ARHGAP32: variants seen among roughly 807,000 people sequenced by gnomAD.
ARHGAP32 encodes rho GTPase-activating protein 32.
In ARHGAP32, 51 loss-of-function variants were observed where a neutral mutation model predicts 186.5. That is an observed-to-expected ratio of 0.27 (90% CI 0.22 to 0.35). ARHGAP32 has a LOEUF of 0.35. Among genes scored for constraint, ARHGAP32 ranks in the 10% least tolerant of loss-of-function variants. The pLI, the probability that ARHGAP32 is intolerant of heterozygous loss-of-function variation, is 1.00. For missense variants in ARHGAP32, 2,186 were observed against 2,623.5 expected (o/e 0.83, Z 3.64); for synonymous variants, 950 against 964.3 (o/e 0.99, Z 0.27).
chr11:129,071,908 C>A (rs1370932377), intron 6 of ARHGAP32, among the ~76,000 whole-genome samples: 1 of 152,160 alleles, frequency 6.6e-6, no homozygotes, highest in Non-Finnish European at 1.5e-5. Flanking sequence ...TCATTTGCAA[C>A]AACACTGATA....
At chr11:129,260,556 C>CATT (rs770664901) in intron 1 of ARHGAP32, among the ~76,000 whole-genome samples, 12 of 152,198 alleles carry the variant, frequency 7.9e-5, no homozygotes, top group Non-Finnish European at 1.8e-4. Flanking sequence ...ATAAGCTCCT[C>CATT]ATTCTGTAAC....
intron 1 of ARHGAP32, among the ~76,000 whole-genome samples, chr11:129,226,265 C>G (rs926083768): frequency 1.3e-5 from 2 of 152,112 alleles, no homozygotes; most frequent in Admixed American, 1.3e-4. Flanking sequence ...TGATGAAAAG[C>G]ATTAAAATCT....
At chr11:129,008,199 T>C (rs534719438) in intron 11 of ARHGAP32, among the ~76,000 whole-genome samples, 2 of 152,324 alleles carry the variant, frequency 1.3e-5, no homozygotes, top group Non-Finnish European at 2.9e-5. Context: ...AGTGCTCACC[T>C]GATTTTTGGT....
chr11:128,972,529 T>A lies in ARHGAP32; in HGVS notation c.3977A>T (p.Gln1326Leu). ...AACTGGTGGCTGCTCTGCAGATCTC[T>A]GGGAAGGCGGAGGGGGAAGGGGACG... ...TNRPLPPPPS[Q>L]RSAEQPPVVG... The change falls in exon 22 of 23, where the codon CAG becomes CTG. Residue 1326 changes from glutamine to leucine, a missense_variant. Around this residue, in one of 5 missense-constraint regions of ARHGAP32, gnomAD observed 1,502 missense variants for 1,570.0 expected, o/e 0.96. Transcript: ENST00000682385. The A allele has an allele frequency of 6.4e-7, 1 of 1,558,500 alleles. No individual in the cohort carries two copies. The highest frequency in any genetic ancestry group is 8.7e-7 in the Non-Finnish European group (1 of 1,150,592).
At chr11:129,118,322 C>T (rs1243278172) in intron 5 of ARHGAP32, among the ~76,000 whole-genome samples, 1 of 151,068 alleles carries the variant, frequency 6.6e-6, no homozygotes, top group East Asian at 1.9e-4. Context: ...CAACTCTTTT[C>T]TGGAAAAAAA....
upstream of ARHGAP32, among the ~76,000 whole-genome samples, chr11:129,193,694 TA>T (rs1283259172): frequency 1.2e-3 from 36 of 30,268 alleles, no homozygotes; most frequent in African/African-American, 3.6e-3. Context: ...ATATATTATA[TA>T]ATATATAATA....
chr11:129,142,234 T>C (rs556982605), intron 2 of ARHGAP32, among the ~76,000 whole-genome samples: 16 of 152,264 alleles, frequency 1.1e-4, no homozygotes, highest in African/African-American at 3.6e-4. Flanking sequence ...CTTCCACGTG[T>C]GCTTCCCATT....
intron 1 of ARHGAP32, among the ~76,000 whole-genome samples, chr11:129,238,199 T>G (rs1944962878): frequency 1.3e-5 from 2 of 152,212 alleles, no homozygotes; most frequent in Non-Finnish European, 2.9e-5. Context: ...TATCATGGAA[T>G]TTATTTATAG....
At chr11:129,001,846 G>A (rs1946366741) in intron 11 of ARHGAP32, among the ~76,000 whole-genome samples, 1 of 152,106 alleles carries the variant, frequency 6.6e-6, no homozygotes. Context: ...AGTTTTCCCA[G>A]CACTATTTAT....
intron 1 of ARHGAP32, among the ~76,000 whole-genome samples, chr11:129,170,241 G>A (rs1943730704): frequency 6.7e-6 from 1 of 148,902 alleles, no homozygotes. Flanking sequence ...TACATATGCA[G>A]AATGCGCAGG....
At chr11:129,235,692 A>G (rs7122135) in intron 1 of ARHGAP32, among the ~76,000 whole-genome samples, 1 of 151,660 alleles carries the variant, frequency 6.6e-6, no homozygotes, top group Non-Finnish European at 1.5e-5. Flanking sequence ...GTAGACTTTT[A>G]TCTCTCCCCC....
In ARHGAP32 at chr11:129,093,723, A is replaced by C. The variant is rs748021370; in HGVS notation, c.445-16T>G. Reference sequence around the variant, plus strand: ...AAAGTGAAAGCTACATCACAGAAAAAAAAGAAGAGGGGGAAAGAAAGTCAT... The same window carrying C: ...AAAGTGAAAGCTACATCACAGAAAACAAAGAAGAGGGGGAAAGAAAGTCAT... On this transcript the variant is annotated splice_polypyrimidine_tract_variant and intron_variant, in intron 5 of 22. Coordinates refer to ENST00000682385, the MANE Select transcript of ARHGAP32 (RefSeq NM_001378024.1). 128 of 1,546,942 alleles carry C rather than the reference A, an allele frequency of 8.3e-5. No individual in the cohort carries two copies. Among genetic ancestry groups the C allele is most frequent in the Non-Finnish European group, 1.0e-4 (118 of 1,134,844 alleles).
chr11:129,061,667 G>A (rs954740081), intron 10 of ARHGAP32, among the ~76,000 whole-genome samples: 15 of 152,140 alleles, frequency 9.9e-5, no homozygotes, highest in African/African-American at 3.6e-4. Flanking sequence ...CACGTCCGGG[G>A]TGGGACAGAG....
intron 1 of ARHGAP32, among the ~76,000 whole-genome samples, chr11:129,250,033 G>A (rs1945158218): frequency 1.3e-5 from 2 of 151,472 alleles, no homozygotes; most frequent in South Asian, 2.1e-4. Flanking sequence ...GGGCAACATA[G>A]GGAGATCTCA....
Position 129,029,801 on chromosome 11 carries a change from C to CAAAAAAA in ARHGAP32, c.1045+11120_1045+11126dup, listed in dbSNP as rs34762356. Among the ~76,000 whole-genome samples the CAAAAAAA allele has an allele frequency of 1.7e-3, 79 of 46,940 alleles. 16 individuals carry two copies. Among genetic ancestry groups the CAAAAAAA allele is most frequent in the African/African-American group, 8.2e-3 (73 of 8,896 alleles). The allele number at this position is 46,940 out of a possible 152,430, so 30.8% of individuals were successfully genotyped here. On this transcript the variant is annotated intron_variant, in intron 11 of 22. Coordinates refer to ENST00000682385, the MANE Select transcript of ARHGAP32 (RefSeq NM_001378024.1). ...TGGGGGACAGAGGGAGACTCCGTCT[C>CAAAAAAA]AAAAAAAAAAAAAAAAAAAAAAAAA...
At chr11:129,178,773 A>G (rs902456739) in intron 1 of ARHGAP32, among the ~76,000 whole-genome samples, 6 of 151,734 alleles carry the variant, frequency 4.0e-5, no homozygotes, top group African/African-American at 1.5e-4. Context: ...CCTTCCTTAC[A>G]CCTGATACAA....
chr11:128,983,628 A>G (rs564608187), intron 15 of ARHGAP32, among the ~76,000 whole-genome samples: 6 of 152,182 alleles, frequency 3.9e-5, no homozygotes, highest in African/African-American at 1.2e-4. Context: ...ATGTACCCTA[A>G]AACTTAAAGT....
chr11:129,045,324 T>C (rs1939764995), intron 10 of ARHGAP32, among the ~76,000 whole-genome samples: 1 of 152,240 alleles, frequency 6.6e-6, no homozygotes, highest in Non-Finnish European at 1.5e-5. Context: ...TAGAGACTCC[T>C]GCCTGGCATC....
chr11:129,265,431 T>G (rs1945384441), intron 1 of ARHGAP32, among the ~76,000 whole-genome samples: 1 of 152,180 alleles, frequency 6.6e-6, no homozygotes, highest in Admixed American at 6.5e-5. Flanking sequence ...GTTAAGAATA[T>G]AAATGTGGAA....
Sources: allele counts gnomAD v4.1 joint callset (sites outside exome capture counted in the v4.1 genomes callset), GRCh38; gene constraint gnomAD v4.1.1; regional missense constraint gnomAD v4.1.1; transcripts MANE v1.5; gene names NCBI Gene and HGNC (gene_info 2026-07-23, HGNC 2026-07-21).